PPM1E: variants seen among roughly 807,000 people sequenced by gnomAD.
The protein encoded by PPM1E is protein phosphatase 1E.
Under a neutral mutation model 65.9 loss-of-function variants are expected in PPM1E, and 20 were observed. The ratio of observed to expected loss-of-function variants is 0.30; its 90% CI spans 0.21 to 0.44. The LOEUF is 0.44. PPM1E is among the 20% of genes least tolerant of loss of function. PPM1E has a pLI of 1.00. For synonymous variants in PPM1E, 352 were observed against 374.9 expected, an observed-to-expected ratio of 0.94 and a Z score of 0.70; for missense variants, 713 against 953.1, an observed-to-expected ratio of 0.75 and a Z score of 3.32.
chr17:58,936,408 G>A (rs1430065448), intron 1 of PPM1E, among the ~76,000 whole-genome samples: 4 of 152,106 alleles, frequency 2.6e-5, no homozygotes, highest in African/African-American at 9.7e-5. Flanking sequence ...TAATATGTGG[G>A]CTGAGATGAG....
chr17:58,803,952 A>T (rs2050282003), intron 1 of PPM1E, among the ~76,000 whole-genome samples: 1 of 152,150 alleles, frequency 6.6e-6, no homozygotes, highest in South Asian at 2.1e-4. Context: ...GTTTTTAGGG[A>T]CAGTCTTATT....
chr17:58,905,420 T>C lies in PPM1E; in HGVS notation c.465-50229T>C, dbSNP rs138250729. On this transcript the variant is annotated intron_variant, in intron 1 of 6. Transcript: ENST00000308249. ...ACTGAGAGTTTTTATCATTAATGCG[T>C]GTTGAATTTTATCAAGTGCTTTTTC... Among the ~76,000 whole-genome samples the C allele has an allele frequency of 5.8e-3, 881 of 152,262 alleles. 6 individuals carry two copies. The highest frequency in any genetic ancestry group is 9.5e-3 in the African/African-American group (393 of 41,570).
chr17:58,755,900 A>G lies in PPM1E; in HGVS notation c.-98A>G. Reference sequence around the variant, plus strand: ...GATCGCTCGTGCCGGTGCGGCCGTTAACCGCCCTTGCCGGAGCCCTAGGCT... The same window carrying G: ...GATCGCTCGTGCCGGTGCGGCCGTTGACCGCCCTTGCCGGAGCCCTAGGCT... On this transcript the variant is annotated 5_prime_UTR_variant, in exon 1 of 7. Transcript: ENST00000308249. 6.5e-7 allele frequency: 1 copy of G among 1,546,018 alleles called. No homozygotes were observed. Among genetic ancestry groups the G allele is most frequent in the South Asian group, 1.3e-5 (1 of 79,600 alleles).
intron 1 of PPM1E, among the ~76,000 whole-genome samples, chr17:58,835,371 T>C (rs2050645474): frequency 6.6e-6 from 1 of 152,022 alleles, no homozygotes; most frequent in African/African-American, 2.4e-5. Flanking sequence ...AATTCATCAG[T>C]GTTTTGTAGT....
rs774586225 is a variant in PPM1E at position 58,965,827 on chromosome 17, C to T, written c.717C>T (p.Asn239=). The change falls in exon 3 of 7, where the codon AAC becomes AAT. Residue 239 remains asparagine, a synonymous_variant. Transcript: ENST00000308249. ...AGACATCAATCCATGCCATCAAAAA[C>T]ATGCGCAGGAAAATGGAGGACAAAC... The part of the protein sequence containing the change: ...YYETSIHAIK[N]MRRKMEDKHV... The T allele has an allele frequency of 2.5e-6, 4 of 1,614,162 alleles. No individual in the cohort carries two copies. In the South Asian group the frequency reaches 4.4e-5, roughly 18 times the overall value.
At chr17:58,762,103 A>G (rs1433321662) in intron 1 of PPM1E, among the ~76,000 whole-genome samples, 1 of 152,098 alleles carries the variant, frequency 6.6e-6, no homozygotes. Context: ...GCCATTACAA[A>G]CTATTACAGT....
intron 3 of PPM1E, among the ~76,000 whole-genome samples, chr17:58,967,122 A>C (rs1431064067): frequency 1.3e-5 from 2 of 152,214 alleles, no homozygotes; most frequent in African/African-American, 4.8e-5. Context: ...AGAAAGGAGA[A>C]CCTTGCTATA....
chr17:58,870,456 T>C (rs912417546), intron 1 of PPM1E, among the ~76,000 whole-genome samples: 2 of 152,184 alleles, frequency 1.3e-5, no homozygotes, highest in Admixed American at 6.5e-5. Context: ...GTGAGCATAG[T>C]ACCCAATATG....
chr17:58,756,337 G>A lies in PPM1E; in HGVS notation c.340G>A (p.Val114Met). ...GGCGGCAGCCCCGGGGCACTCGGCCGTGCCGCCGCCGCCGCCCCAGCTGCC... is the reference window on the plus strand; with the variant it reads ...GGCGGCAGCCCCGGGGCACTCGGCCATGCCGCCGCCGCCGCCCCAGCTGCC... ...TAAAAPGHSA[V>M]PPPPPQLPPL... Residue 114 changes from valine (V) to methionine (M), a missense_variant, in exon 1 of 7, where the codon GTG becomes ATG. Transcript: ENST00000308249. 7.2e-7 allele frequency: 1 copy of A among 1,392,052 alleles called. No homozygotes were observed. The highest frequency in any genetic ancestry group is 9.3e-7 in the Non-Finnish European group (1 of 1,077,332). The allele number at this position is 1,392,052 out of a possible 1,614,324, so 86.2% of individuals were successfully genotyped here. A position where few individuals can be genotyped will look rare whatever the true frequency, so the allele number is the denominator to read the frequency against.
chr17:58,862,524 G>A (rs2050953110), intron 1 of PPM1E, among the ~76,000 whole-genome samples: 1 of 152,142 alleles, frequency 6.6e-6, no homozygotes. Context: ...ATGAGAAAAT[G>A]TATAATTCAT....
At chr17:58,955,606 TA>T in intron 1 of PPM1E, 42 bp from the exon 2 acceptor site, 1 of 1,602,774 alleles carries the variant, frequency 6.2e-7, no homozygotes, top group Non-Finnish European at 8.5e-7. Flanking sequence ...TATTACTTTC[TA>T]ATTCTTTTGC....
intron 2 of PPM1E, among the ~76,000 whole-genome samples, chr17:58,957,952 G>C (rs914581031): frequency 2.6e-5 from 4 of 152,062 alleles, no homozygotes. Context: ...AGACCAGCCT[G>C]GGCAATATAG....
intron 1 of PPM1E, among the ~76,000 whole-genome samples, chr17:58,923,284 CAAAAA>C (rs60557317): frequency 3.9e-5 from 4 of 102,480 alleles, no homozygotes; most frequent in Non-Finnish European, 3.9e-5. Flanking sequence ...GACCCTATCT[CAAAAA>C]AAAAAAAAAA....
intron 1 of PPM1E, among the ~76,000 whole-genome samples, chr17:58,849,048 A>G (rs559652361): frequency 6.6e-6 from 1 of 152,210 alleles, no homozygotes; most frequent in Non-Finnish European, 1.5e-5. Context: ...TAGATTTTCT[A>G]CTTTATTTGT....
chr17:58,764,755 G>A lies in PPM1E; in HGVS notation c.464+8294G>A, dbSNP rs371514793. On this transcript the variant is annotated intron_variant, in intron 1 of 6. Transcript: ENST00000308249. ...ACTACAAGCACATGCCACCATGCTC[G>A]GCTAATTTTTATATTTTTTGTAGAG... is the stretch of plus-strand genomic sequence containing the variant. Among the ~76,000 whole-genome samples the A allele has an allele frequency of 4.5e-4, 69 of 151,978 alleles. No individual in the cohort carries two copies. The South Asian group carries it at 0.014, about 30-fold the overall frequency.
At chr17:58,783,386 T>C (rs2050067657) in intron 1 of PPM1E, among the ~76,000 whole-genome samples, 1 of 152,186 alleles carries the variant, frequency 6.6e-6, no homozygotes, top group Non-Finnish European at 1.5e-5. Context: ...CAAAGGGAAT[T>C]TTATTGTTGA....
chr17:58,800,683 T>C lies in PPM1E; in HGVS notation c.464+44222T>C, dbSNP rs138070194. Among the ~76,000 whole-genome samples, 522 of 152,342 alleles carry C rather than the reference T, an allele frequency of 3.4e-3. 6 individuals carry two copies. Among genetic ancestry groups the C allele is most frequent in the African/African-American group, 0.012 (513 of 41,592 alleles). On this transcript the variant is annotated intron_variant, in intron 1 of 6. Transcript: ENST00000308249. Reference sequence around the variant, plus strand: ...TTTTAAGGAATTTGTCTATTTCTTCTAATTTGTCAAACATATTGAGATAAA... The same window carrying C: ...TTTTAAGGAATTTGTCTATTTCTTCCAATTTGTCAAACATATTGAGATAAA...
chr17:58,909,637 G>T (rs1478768346), intron 1 of PPM1E, among the ~76,000 whole-genome samples: 1 of 151,976 alleles, frequency 6.6e-6, no homozygotes, highest in East Asian at 1.9e-4. Context: ...TTCTCTTCTT[G>T]CTTGCATGGT....
At chr17:58,930,532 G>A (rs534285792) in intron 1 of PPM1E, among the ~76,000 whole-genome samples, 3 of 152,176 alleles carry the variant, frequency 2.0e-5, no homozygotes, top group South Asian at 2.1e-4. Context: ...ATACATTGCC[G>A]TGAATAACAT....
Sources: gnomAD v4.1 joint callset for allele counts (sites outside exome capture counted in the v4.1 genomes callset) on GRCh38, gnomAD v4.1.1 for gene constraint, MANE v1.5 for transcripts, NCBI Gene and HGNC (gene_info 2026-07-23, HGNC 2026-07-21) for gene names.